The following WRN variants were observed in gnomAD, a reference collection of about 807,000 sequenced individuals.
WRN encodes the protein bifunctional 3'-5' exonuclease/ATP-dependent helicase WRN.
In WRN, 149 loss-of-function variants were observed where a neutral mutation model predicts 180.7. The observed-to-expected ratio is 0.82, with a 90% CI of 0.72 to 0.94. The LOEUF is 0.94. Ranked by LOEUF, WRN falls within the 40% of genes least tolerant of loss-of-function variation. The pLI is 0.00. For synonymous variants in WRN, 548 were observed against 568.9 expected (o/e 0.96, Z 0.52); for missense variants, 1,661 against 1,700.1 (o/e 0.98, Z 0.40).
intron 28 of WRN, among the ~76,000 whole-genome samples, chr8:31,145,563 G>A (rs1009279975): frequency 3.9e-5 from 6 of 152,144 alleles, no homozygotes; most frequent in Admixed American, 3.3e-4. Flanking sequence ...GGAGACTAAC[G>A]TTGTTTTCAT....
intron 33 of WRN, among the ~76,000 whole-genome samples, chr8:31,159,921 G>T (rs1803544513): frequency 1.4e-5 from 2 of 148,038 alleles, no homozygotes. Context: ...CTTCAGCCTG[G>T]GTGACAGAGT....
chr8:31,055,399 C>G (rs533370124), intron 1 of WRN, among the ~76,000 whole-genome samples: 339 of 152,292 alleles, frequency 2.2e-3, no homozygotes, highest in African/African-American at 7.3e-3. Flanking sequence ...CATAGCCTTG[C>G]CAGCACCTGT....
intron 12 of WRN, among the ~76,000 whole-genome samples, chr8:31,088,515 G>A (rs944172307): frequency 3.9e-5 from 6 of 152,008 alleles, no homozygotes; most frequent in Admixed American, 1.3e-4. Flanking sequence ...GATTTTTTTA[G>A]TGCGGGACTA....
intron 1 of WRN, among the ~76,000 whole-genome samples, chr8:31,043,588 A>G (rs1811737014): frequency 1.3e-5 from 2 of 152,014 alleles, no homozygotes; most frequent in African/African-American, 4.8e-5. Flanking sequence ...TCCTCCTCCT[A>G]TGCTTGACTT....
chr8:31,062,989 C>G (rs1401937320), intron 3 of WRN, among the ~76,000 whole-genome samples: 1 of 151,980 alleles, frequency 6.6e-6, no homozygotes, highest in African/African-American at 2.4e-5. Flanking sequence ...TGCTGCCATG[C>G]CTGGCTAATT....
intron 33 of WRN, among the ~76,000 whole-genome samples, chr8:31,165,916 A>G (rs1475531185): frequency 1.3e-5 from 2 of 152,196 alleles, no homozygotes; most frequent in African/African-American, 2.4e-5. Context: ...AGATGTGATC[A>G]TCACGTTGCT....
intron 24 of WRN, among the ~76,000 whole-genome samples, chr8:31,139,999 C>CTTTGT (rs1802548431): frequency 4.0e-5 from 3 of 74,704 alleles, no homozygotes; most frequent in Non-Finnish European, 7.8e-5. Flanking sequence ...TTGTATACTT[C>CTTTGT]TTTGTTTTTT....
At chr8:31,106,023 G>C (rs1299803011) in intron 18 of WRN, among the ~76,000 whole-genome samples, 1 of 151,962 alleles carries the variant, frequency 6.6e-6, no homozygotes, top group Non-Finnish European at 1.5e-5. Flanking sequence ...CTTCCTAATT[G>C]ACTTCTGCAT....
chr8:31,138,819 C>T (rs1326351979), intron 24 of WRN, among the ~76,000 whole-genome samples: 1 of 151,996 alleles, frequency 6.6e-6, no homozygotes, highest in Non-Finnish European at 1.5e-5. Context: ...CTATCAGAAG[C>T]CTATGTTTTA....
rs777096501 is a variant in WRN, at chr8:31,088,966, G to A, written c.1652+1G>A. ...ACTTTGGCCATTCCAGTTTTAAACC[G>A]TGAGTATAATCTCATTTAATCAAAT... On this transcript the variant is annotated splice_donor_variant, in intron 13 of 34. Coordinates refer to ENST00000298139, the MANE Select transcript of WRN (RefSeq NM_000553.6). LOFTEE classifies it high-confidence loss of function. The A allele has an allele frequency of 1.2e-5, 20 of 1,608,160 alleles. No individual in the cohort carries two copies. Among genetic ancestry groups the A allele is most frequent in the Middle Eastern group, 1.8e-4 (1 of 5,598 alleles).
intron 24 of WRN, among the ~76,000 whole-genome samples, chr8:31,137,393 A>C (rs1050831891): frequency 1.3e-5 from 2 of 152,130 alleles, no homozygotes; most frequent in African/African-American, 4.8e-5. Flanking sequence ...AGGGAACTTA[A>C]TACCTTTGAA....
At chr8:31,062,369 T>G (rs953912648) in intron 3 of WRN, among the ~76,000 whole-genome samples, 1 of 151,788 alleles carries the variant, frequency 6.6e-6, no homozygotes, top group Non-Finnish European at 1.5e-5. Flanking sequence ...ATAATAGATA[T>G]GCATATTCCT....
intron 4 of WRN, 42 bp from the exon 5 acceptor site, chr8:31,064,873 A>G (rs1812632440): frequency 1.2e-6 from 2 of 1,607,830 alleles, no homozygotes; most frequent in Non-Finnish European, 1.7e-6. Context: ...TAAATCCATC[A>G]TACTTGACAG....
chr8:31,099,204 C>T (rs920958412), intron 17 of WRN, among the ~76,000 whole-genome samples: 4 of 151,958 alleles, frequency 2.6e-5, no homozygotes, highest in Non-Finnish European at 5.9e-5. Flanking sequence ...CGAGACCATC[C>T]TGGCGAACAT....
intron 18 of WRN, among the ~76,000 whole-genome samples, chr8:31,103,733 T>A (rs369674077): frequency 2.0e-4 from 31 of 152,232 alleles, no homozygotes; most frequent in East Asian, 1.7e-3. Context: ...CTTTATTTTT[T>A]TTTATTTATT....
At chr8:31,084,085 A>G (rs1813428552) in intron 10 of WRN, among the ~76,000 whole-genome samples, 1 of 151,914 alleles carries the variant, frequency 6.6e-6, no homozygotes, top group South Asian at 2.1e-4. Flanking sequence ...TGCAACCTTC[A>G]CCTCCTGGGC....
intron 1 of WRN, among the ~76,000 whole-genome samples, chr8:31,034,298 A>G (rs545212938): frequency 1.3e-5 from 2 of 152,336 alleles, no homozygotes; most frequent in African/African-American, 4.8e-5. Flanking sequence ...ACAGGTCTGC[A>G]CAGCAAAGTC....
intron 1 of WRN, among the ~76,000 whole-genome samples, chr8:31,044,627 TTATA>T (rs1379021324): frequency 4.6e-5 from 7 of 152,312 alleles, no homozygotes; most frequent in Admixed American, 6.5e-5. Flanking sequence ...AGTTCTGGGA[TTATA>T]GGCGTGAGCC....
rs752841355 is a variant in WRN at position 31,100,950 on chromosome 8, C to T, written c.2083C>T (p.Pro695Ser). Residue 695 changes from proline to serine, a missense_variant, in exon 18 of 35, where the codon CCA becomes TCA. By Grantham distance (74) the Pro-to-Ser change is moderately conservative (BLOSUM62 -1). Transcript: ENST00000298139. ...RKLGSLKTALPMVPIVALTAT... is the reference protein window; with the variant it reads ...RKLGSLKTALSMVPIVALTAT... ...GTTGGGCTCCCTAAAGACAGCACTG[C>T]CAATGGTAAGCTTTGCCAAGTCTGA... 1.2e-6 allele frequency: 2 copies of T among 1,613,454 alleles called. No homozygotes were observed. Among genetic ancestry groups the T allele is most frequent in the Admixed American group, 3.3e-5 (2 of 60,000 alleles).
Sources: allele counts gnomAD v4.1 joint callset (sites outside exome capture counted in the v4.1 genomes callset), GRCh38; gene constraint gnomAD v4.1.1; transcripts MANE v1.5; gene names NCBI Gene and HGNC (gene_info 2026-07-23, HGNC 2026-07-21).